LRRFIP1: variants seen among roughly 807,000 people sequenced by gnomAD.
LRRFIP1 encodes leucine-rich repeat flightless-interacting protein 1.
In LRRFIP1, 62 loss-of-function variants were observed where a neutral mutation model predicts 104.4. The ratio of observed to expected loss-of-function variants is 0.59; its 90% CI spans 0.48 to 0.73. LRRFIP1 has a LOEUF of 0.73. LRRFIP1 is among the 30% of genes least tolerant of loss of function. The pLI is 0.00. For missense variants in LRRFIP1, 796 were observed against 824.5 expected, an observed-to-expected ratio of 0.97 and a Z score of 0.42; for synonymous variants, 300 against 299.0, an observed-to-expected ratio of 1.00 and a Z score of -0.03.
At chr2:237,684,802 T>C (rs554121378) in intron 1 of LRRFIP1, among the ~76,000 whole-genome samples, 1 of 152,172 alleles carries the variant, frequency 6.6e-6, no homozygotes, top group South Asian at 2.1e-4. Flanking sequence ...AAAAACAAAA[T>C]TGGGCCTGGT....
intron 11 of LRRFIP1, among the ~76,000 whole-genome samples, chr2:237,746,532 C>T (rs2057885350): frequency 6.6e-6 from 1 of 152,204 alleles, no homozygotes; most frequent in African/African-American, 2.4e-5. Flanking sequence ...GTATCTGTCC[C>T]ATCGGAGTCT....
chr2:237,745,031 A>G (rs191734808), intron 11 of LRRFIP1, among the ~76,000 whole-genome samples: 2 of 152,186 alleles, frequency 1.3e-5, no homozygotes, highest in Non-Finnish European at 2.9e-5. Context: ...CCATTTCTTC[A>G]TCATTTTAGG....
At chr2:237,701,445 C>T (rs778680204) in intron 1 of LRRFIP1, among the ~76,000 whole-genome samples, 3 of 152,334 alleles carry the variant, frequency 2.0e-5, no homozygotes, top group East Asian at 1.9e-4. Flanking sequence ...GCCAGGAGGG[C>T]GTGCGGGAGG....
chr2:237,639,953 A>G (rs1402852665), intron 1 of LRRFIP1, among the ~76,000 whole-genome samples: 2 of 152,152 alleles, frequency 1.3e-5, no homozygotes, highest in African/African-American at 4.8e-5. Context: ...CCCATGGGGA[A>G]CAAGATACCC....
chr2:237,666,842 CTTT>C (rs1337938314), intron 1 of LRRFIP1, among the ~76,000 whole-genome samples: 2 of 124,416 alleles, frequency 1.6e-5, no homozygotes, highest in Non-Finnish European at 3.3e-5. Flanking sequence ...TTCCTGCCTT[CTTT>C]TTTCTTTCTT....
intron 7 of LRRFIP1, among the ~76,000 whole-genome samples, chr2:237,726,759 G>A (rs1458264607): frequency 6.6e-6 from 1 of 152,028 alleles, no homozygotes; most frequent in Admixed American, 6.6e-5. Flanking sequence ...AGCTGGTTTT[G>A]TCTCTGATGC....
intron 11 of LRRFIP1, among the ~76,000 whole-genome samples, chr2:237,744,990 C>A (rs186982821): frequency 3.3e-5 from 5 of 152,222 alleles, no homozygotes; most frequent in Admixed American, 1.3e-4. Context: ...ATGCAGTGGC[C>A]GTGACAGTGT....
At chr2:237,773,479 A>G (rs970306590) in intron 22 of LRRFIP1, among the ~76,000 whole-genome samples, 5 of 152,184 alleles carry the variant, frequency 3.3e-5, no homozygotes, top group Admixed American at 1.3e-4. Context: ...CAGAGGTTGC[A>G]GTGAGCCGAG....
At position 237,703,849 on chromosome 2, in the gene LRRFIP1, C is replaced by T. The variant is rs546359161; in HGVS notation, c.97-4695C>T. 5.3e-5 allele frequency among the ~76,000 whole-genome samples: 8 copies of T among 152,262 alleles called. No homozygotes were observed. Among genetic ancestry groups the T allele is most frequent in the African/African-American group, 1.9e-4 (8 of 41,548 alleles). ...GCACAGTGCATTCCTGTGGCCTCCC[C>T]GGGCCACGGTCAGCCCACAGGCTAC... On this transcript the variant is annotated intron_variant, in intron 1 of 23. Transcript: ENST00000308482. This position sits in a 1 kb window ranked among gnomAD's most constrained non-coding sequence, Gnocchi z 4.3.
chr2:237,638,124 T>A (rs1049739334), intron 1 of LRRFIP1, among the ~76,000 whole-genome samples: 4 of 152,204 alleles, frequency 2.6e-5, no homozygotes, highest in African/African-American at 9.7e-5. Context: ...ATTGTTACAC[T>A]GTAATATATA....
intron 1 of LRRFIP1, among the ~76,000 whole-genome samples, chr2:237,657,557 G>C (rs572663468): frequency 6.6e-6 from 1 of 152,138 alleles, no homozygotes; most frequent in East Asian, 1.9e-4. Context: ...CAATTTCTCC[G>C]TGGCAACATT....
chr2:237,766,037 C>T lies in LRRFIP1; in HGVS notation c.1460-3906C>T. The T allele has an allele frequency of 2.1e-6, 1 of 482,390 alleles. No individual in the cohort carries two copies. Among genetic ancestry groups the T allele is most frequent in the Non-Finnish European group, 2.7e-6 (1 of 370,608 alleles). The allele number at this position is 482,390 out of a possible 1,614,324, so 29.9% of individuals were successfully genotyped here. ...TTCCTATTGGGGTTCCGTGGAAGACCCACGCCTGATGCCCTCCCTCAGTAA... is the reference window on the plus strand; with the variant it reads ...TTCCTATTGGGGTTCCGTGGAAGACTCACGCCTGATGCCCTCCCTCAGTAA... On this transcript the variant is annotated intron_variant, in intron 19 of 23. Coordinates refer to ENST00000308482, the MANE Select transcript of LRRFIP1 (RefSeq NM_001137550.2). The surrounding 1 kb of genome is among the most constrained non-coding windows in gnomAD (Gnocchi z 4.8).
chr2:237,750,660 G>A (rs12470760), intron 13 of LRRFIP1, among the ~76,000 whole-genome samples: 9,321 of 152,228 alleles, frequency 0.061, 426 homozygotes, highest in East Asian at 0.14. Flanking sequence ...CTACAGCAGA[G>A]CAGCAGAGTT....
At chr2:237,630,586 C>T (rs2082199942) in intron 1 of LRRFIP1, among the ~76,000 whole-genome samples, 1 of 152,216 alleles carries the variant, frequency 6.6e-6, no homozygotes, top group East Asian at 1.9e-4. Context: ...GAAGTGGCTT[C>T]CTGGAGGAAG....
intron 1 of LRRFIP1, among the ~76,000 whole-genome samples, chr2:237,636,670 C>T (rs2083170086): frequency 6.6e-6 from 1 of 152,182 alleles, no homozygotes; most frequent in South Asian, 2.1e-4. Context: ...TGGTGATCCT[C>T]AGCTACCCTT....
intron 12 of LRRFIP1, among the ~76,000 whole-genome samples, chr2:237,748,980 T>G (rs935685535): frequency 3.3e-5 from 5 of 152,040 alleles, no homozygotes; most frequent in African/African-American, 1.2e-4. Context: ...AGAGAGAACA[T>G]GTGAAGGAGG....
chr2:237,655,918 G>A (rs780430848), intron 1 of LRRFIP1, among the ~76,000 whole-genome samples: 4 of 152,178 alleles, frequency 2.6e-5, no homozygotes, highest in South Asian at 2.1e-4. Context: ...GGTGGACATC[G>A]CTTTCCAGTT....
chr2:237,772,015 A>C, intron 20 of LRRFIP1, 66 bp from the exon 21 acceptor site: 2 of 1,149,504 alleles, frequency 1.7e-6, no homozygotes, highest in African/African-American at 1.5e-5. Context: ...GATGGGCTCT[A>C]ACTTCAGCTT....
At chr2:237,770,142 C>T in intron 20 of LRRFIP1, 150 bp downstream of exon 20, 1 of 634,050 alleles carries the variant, frequency 1.6e-6, no homozygotes, top group South Asian at 1.9e-5. Flanking sequence ...GATTGCTATC[C>T]AAATAGAACA....
Sources: gnomAD v4.1 joint callset for allele counts (sites outside exome capture counted in the v4.1 genomes callset) on GRCh38, gnomAD v4.1.1 for gene constraint, Gnocchi (gnomAD v3.1) non-coding constraint, MANE v1.5 for transcripts, NCBI Gene and HGNC (gene_info 2026-07-23, HGNC 2026-07-21) for gene names.